The following SLC24A3 variants were observed in gnomAD, a reference collection of about 807,000 sequenced individuals.
The protein encoded by SLC24A3 is solute carrier family 24 member 3, also known as sodium/potassium/calcium exchanger 3.
SLC24A3 carries 28 observed loss-of-function variants against 75.8 expected under a neutral mutation model. That is an observed-to-expected ratio of 0.37 (90% confidence interval 0.27 to 0.51). SLC24A3 has a LOEUF of 0.51. SLC24A3 is among the 20% of genes least tolerant of loss of function. The pLI, the probability that SLC24A3 is intolerant of heterozygous loss-of-function variation, is 0.94. For synonymous variants in SLC24A3, 372 were observed against 334.1 expected (o/e 1.11, Z -1.24); for missense variants, 663 against 847.8 (o/e 0.78, Z 2.71).
chr20:19,595,303 G>A (rs1344575670), intron 6 of SLC24A3, among the ~76,000 whole-genome samples: 6 of 152,188 alleles, frequency 3.9e-5, no homozygotes, highest in Non-Finnish European at 8.8e-5. Flanking sequence ...TGCATCTGCA[G>A]CACCAACAGT....
At chr20:19,552,321 G>A (rs1012827824) in intron 3 of SLC24A3, among the ~76,000 whole-genome samples, 1 of 152,128 alleles carries the variant, frequency 6.6e-6, no homozygotes, top group Non-Finnish European at 1.5e-5. Context: ...CCTCCTGTCT[G>A]CGCAAGCAAA....
intron 12 of SLC24A3, 134 bp downstream of exon 12, chr20:19,685,495 T>G: frequency 7.1e-7 from 1 of 1,406,752 alleles, no homozygotes. Flanking sequence ...GTATATCAAG[T>G]CTCCTTTGGG....
At chr20:19,679,368 C>T (rs376960029) in intron 9 of SLC24A3, among the ~76,000 whole-genome samples, 1 of 152,250 alleles carries the variant, frequency 6.6e-6, no homozygotes, top group Non-Finnish European at 1.5e-5. Flanking sequence ...TCAGGCGTGG[C>T]GGCACGCACC....
intron 1 of SLC24A3, among the ~76,000 whole-genome samples, chr20:19,221,042 C>T (rs114104448): frequency 6.6e-6 from 1 of 152,274 alleles, no homozygotes; most frequent in South Asian, 2.1e-4. Flanking sequence ...TAAACTTAAA[C>T]TTCTCTCCAG....
intron 6 of SLC24A3, among the ~76,000 whole-genome samples, chr20:19,615,693 G>C (rs1478616630): frequency 6.6e-6 from 1 of 152,180 alleles, no homozygotes. Context: ...GAACAAGAGG[G>C]GATAGCTTTG....
At chr20:19,434,338 C>T (rs1207648217) in intron 2 of SLC24A3, among the ~76,000 whole-genome samples, 1 of 152,186 alleles carries the variant, frequency 6.6e-6, no homozygotes, top group Non-Finnish European at 1.5e-5. Flanking sequence ...TAGAGAGAAG[C>T]AGGCAGCTGA....
intron 2 of SLC24A3, among the ~76,000 whole-genome samples, chr20:19,440,446 A>G (rs951471511): frequency 5.3e-5 from 8 of 152,214 alleles, no homozygotes; most frequent in Non-Finnish European, 1.0e-4. Context: ...CTGCAGAGAT[A>G]TGCAGAAAAG....
chr20:19,537,344 T>G (rs1340550838), intron 3 of SLC24A3, among the ~76,000 whole-genome samples: 1 of 152,134 alleles, frequency 6.6e-6, no homozygotes, highest in East Asian at 1.9e-4. Context: ...CTCACTCCAA[T>G]TAGAATGGCG....
Position 19,273,118 on chromosome 20 carries a change from C to G in SLC24A3, c.143-7841C>G, listed in dbSNP as rs1054247129. On this transcript the variant is annotated intron_variant, in intron 1 of 16. Coordinates refer to ENST00000328041, the MANE Select transcript of SLC24A3 (RefSeq NM_020689.4). ...GGACTTCTGGCTCAGGGCTTTGGTC[C>G]AGGTGCTTTGGGCCATCCCTTGTTC... Among the ~76,000 whole-genome samples, 9 of 152,228 alleles carry G rather than the reference C, an allele frequency of 5.9e-5. No homozygotes were observed. In the South Asian group the frequency reaches 6.2e-4, roughly 10 times the overall value.
intron 2 of SLC24A3, among the ~76,000 whole-genome samples, chr20:19,406,838 G>C (rs936828890): frequency 2.0e-5 from 3 of 152,132 alleles, no homozygotes; most frequent in South Asian, 4.2e-4. Context: ...TTTTTCTATT[G>C]TAAGTTAGAG....
chr20:19,529,085 G>A (rs764231734), intron 3 of SLC24A3, among the ~76,000 whole-genome samples: 8 of 151,980 alleles, frequency 5.3e-5, no homozygotes, highest in Non-Finnish European at 8.8e-5. Context: ...AATACAATAG[G>A]CACTAATTTT....
At chr20:19,455,558 T>A (rs939627142) in intron 2 of SLC24A3, among the ~76,000 whole-genome samples, 1 of 152,180 alleles carries the variant, frequency 6.6e-6, no homozygotes, top group Non-Finnish European at 1.5e-5. Context: ...TGGAAACCAA[T>A]ACACCAGGAG....
intron 3 of SLC24A3, among the ~76,000 whole-genome samples, chr20:19,565,411 G>C (rs1437899159): frequency 2.7e-5 from 2 of 74,530 alleles, no homozygotes; most frequent in East Asian, 8.1e-4. Flanking sequence ...CTCGGGGGGT[G>C]GGGGGTCAAA....
chr20:19,563,512 TAGA>T (rs1192728952), intron 3 of SLC24A3, among the ~76,000 whole-genome samples: 1 of 152,212 alleles, frequency 6.6e-6, no homozygotes, highest in Non-Finnish European at 1.5e-5. Context: ...TTTTTATTAA[TAGA>T]AGATTAGTTT....
intron 3 of SLC24A3, among the ~76,000 whole-genome samples, chr20:19,564,434 C>T (rs1243958086): frequency 6.6e-6 from 1 of 152,128 alleles, no homozygotes; most frequent in Non-Finnish European, 1.5e-5. Context: ...TCCTCATCAC[C>T]ATTACCGTGA....
chr20:19,394,505 A>C (rs569262671), intron 2 of SLC24A3, among the ~76,000 whole-genome samples: 5 of 152,198 alleles, frequency 3.3e-5, no homozygotes, highest in Admixed American at 6.5e-5. Flanking sequence ...TCCTACATCT[A>C]AAAGCAAATG....
chr20:19,274,180 A>T (rs1460582641), intron 1 of SLC24A3, among the ~76,000 whole-genome samples: 1 of 150,858 alleles, frequency 6.6e-6, no homozygotes, highest in Non-Finnish European at 1.5e-5. Context: ...GTAAGAGTTG[A>T]TGCCTGTGAT....
intron 2 of SLC24A3, among the ~76,000 whole-genome samples, chr20:19,299,511 A>G (rs1984146950): frequency 6.6e-6 from 1 of 152,220 alleles, no homozygotes. Context: ...AGCCAATAAG[A>G]AAATTTTGCC....
At chr20:19,687,370 C>A (rs2032689443) in intron 12 of SLC24A3, among the ~76,000 whole-genome samples, 1 of 152,146 alleles carries the variant, frequency 6.6e-6, no homozygotes, top group South Asian at 2.1e-4. Context: ...CTAGATCAGG[C>A]ACCTGCACAA....
Sources: allele counts gnomAD v4.1 joint callset (sites outside exome capture counted in the v4.1 genomes callset), GRCh38; gene constraint gnomAD v4.1.1; transcripts MANE v1.5; gene names NCBI Gene and HGNC (gene_info 2026-07-23, HGNC 2026-07-21).